The following WDPCP variants were observed in gnomAD, a reference collection of about 807,000 sequenced individuals.
WDPCP encodes WD repeat containing planar cell polarity effector.
In WDPCP, 71 loss-of-function variants were observed where a neutral mutation model predicts 93.1. That is an observed-to-expected ratio of 0.76 (90% confidence interval 0.63 to 0.93). The LOEUF is 0.93. WDPCP is among the 40% of genes least tolerant of loss of function. The probability of loss-of-function intolerance (pLI) is 0.00; values close to 1 mark genes in which losing one functional copy is unlikely to be tolerated. For synonymous variants in WDPCP, 315 were observed against 315.0 expected (o/e 1.00, Z 0.00); for missense variants, 844 against 887.4 (o/e 0.95, Z 0.62).
At chr2:63,167,941 G>A (rs770334286) in intron 15 of WDPCP, among the ~76,000 whole-genome samples, 3 of 151,710 alleles carry the variant, frequency 2.0e-5, no homozygotes, top group Non-Finnish European at 4.4e-5. Context: ...ATGGCAAAAC[G>A]CCATCTCTAC....
intron 2 of WDPCP, among the ~76,000 whole-genome samples, chr2:63,755,080 A>T (rs1669941791): frequency 6.6e-6 from 1 of 152,166 alleles, no homozygotes; most frequent in Non-Finnish European, 1.5e-5. Flanking sequence ...GAATGCCCTC[A>T]TGACGTAGTA....
At chr2:63,328,308 C>T (rs1283599655) in intron 12 of WDPCP, among the ~76,000 whole-genome samples, 1 of 151,952 alleles carries the variant, frequency 6.6e-6, no homozygotes, top group African/African-American at 2.4e-5. Context: ...CTCGGGTCCC[C>T]TTCCACACTG....
At chr2:63,747,036 C>A (rs1233721361) in intron 2 of WDPCP, among the ~76,000 whole-genome samples, 2 of 152,070 alleles carry the variant, frequency 1.3e-5, no homozygotes, top group Non-Finnish European at 2.9e-5. Context: ...TACTCTTTCC[C>A]TTTATTTCTC....
chr2:63,836,520 A>T, the WDPCP span, among the ~76,000 whole-genome samples: 2 of 152,218 alleles, frequency 1.3e-5, no homozygotes, highest in African/African-American at 4.8e-5. Flanking sequence ...GAGTTTGGTA[A>T]AAGATGGTTT....
chr2:63,553,645 A>T (rs997378223), intron 1 of WDPCP, among the ~76,000 whole-genome samples: 3 of 152,098 alleles, frequency 2.0e-5, no homozygotes, highest in Non-Finnish European at 4.4e-5. Context: ...AAAAAAAAAA[A>T]ACTTTTTTCT....
intron 9 of WDPCP, among the ~76,000 whole-genome samples, chr2:63,420,361 T>TAAAAAAAAAAAAA (rs60889615): frequency 2.5e-5 from 3 of 120,528 alleles, no homozygotes; most frequent in South Asian, 2.7e-4. Flanking sequence ...CATCTTTACT[T>TAAAAAAAAAAAAA]AAAAAAAAAA....
intron 14 of WDPCP, among the ~76,000 whole-genome samples, chr2:63,196,086 C>T (rs1233029629): frequency 1.3e-5 from 2 of 152,138 alleles, no homozygotes; most frequent in East Asian, 3.9e-4. Context: ...AAAAAGTGAT[C>T]TTTTGTGATT....
At chr2:63,272,093 A>C (rs1339402574) in intron 13 of WDPCP, among the ~76,000 whole-genome samples, 1 of 152,134 alleles carries the variant, frequency 6.6e-6, no homozygotes, top group Non-Finnish European at 1.5e-5. Flanking sequence ...GGGTCCAAGA[A>C]TTGGTGCACA....
intron 1 of WDPCP, among the ~76,000 whole-genome samples, chr2:63,575,467 G>GTATA (rs1558832897): frequency 1.0e-3 from 7 of 6,842 alleles, no homozygotes; most frequent in East Asian, 0.014. Context: ...CAGTATATAT[G>GTATA]CAGTATATAC....
intron 1 of WDPCP, among the ~76,000 whole-genome samples, chr2:63,578,334 A>G (rs968092393): frequency 6.6e-6 from 1 of 152,226 alleles, no homozygotes; most frequent in African/African-American, 2.4e-5. Flanking sequence ...AGCTTATATT[A>G]CCTACAGACA....
intron 6 of WDPCP, among the ~76,000 whole-genome samples, chr2:63,457,706 T>A (rs1052049543): frequency 6.6e-6 from 1 of 152,120 alleles, no homozygotes; most frequent in African/African-American, 2.4e-5. Flanking sequence ...ACAAAAATTA[T>A]ATGATCATCT....
At chr2:63,655,763 A>T (rs758116749) in intron 2 of WDPCP, among the ~76,000 whole-genome samples, 6 of 152,166 alleles carry the variant, frequency 3.9e-5, no homozygotes, top group Non-Finnish European at 8.8e-5. Flanking sequence ...GCTGTTCTAA[A>T]CCTTTTTTAA....
At chr2:63,752,377 C>T in intron 2 of WDPCP, 1 of 768,334 alleles carries the variant, frequency 1.3e-6, no homozygotes, top group Non-Finnish European at 2.3e-6. Context: ...AGATAGCCCT[C>T]TTTGGTTCCA....
chr2:63,493,357 G>C (rs1701014377), intron 1 of WDPCP, among the ~76,000 whole-genome samples: 1 of 152,052 alleles, frequency 6.6e-6, no homozygotes, highest in Admixed American at 6.6e-5. Context: ...GGTATATAAA[G>C]CAAATATTTA....
intron 12 of WDPCP, among the ~76,000 whole-genome samples, chr2:63,328,491 T>C (rs796861914): frequency 2.1e-4 from 32 of 152,190 alleles, no homozygotes; most frequent in African/African-American, 7.7e-4. Flanking sequence ...ACGTGCCGCC[T>C]TTAAGAGCTG....
chr2:63,246,327 C>G (rs751403308), intron 14 of WDPCP, among the ~76,000 whole-genome samples: 6 of 152,130 alleles, frequency 3.9e-5, no homozygotes, highest in Non-Finnish European at 7.3e-5. Flanking sequence ...TTTGTGCTCA[C>G]TGCAGGGAAG....
At chr2:63,458,902 C>G (rs1350899898) in intron 6 of WDPCP, among the ~76,000 whole-genome samples, 2 of 152,074 alleles carry the variant, frequency 1.3e-5, no homozygotes, top group Admixed American at 6.6e-5. Flanking sequence ...ATGGAACAGA[C>G]TAGAGACACA....
chr2:63,392,800 T>G (rs544958867), intron 10 of WDPCP, among the ~76,000 whole-genome samples: 4 of 152,328 alleles, frequency 2.6e-5, no homozygotes, highest in Non-Finnish European at 5.9e-5. Flanking sequence ...TCATCATCAC[T>G]GGTCATCAGA....
At chr2:63,768,300 A>C (rs973562645) in intron 2 of WDPCP, among the ~76,000 whole-genome samples, 1 of 148,500 alleles carries the variant, frequency 6.7e-6, no homozygotes, top group Non-Finnish European at 1.5e-5. Flanking sequence ...TTATGCCACT[A>C]TCTTTAAGTC....
Sources: allele counts gnomAD v4.1 joint callset (sites outside exome capture counted in the v4.1 genomes callset), GRCh38; gene constraint gnomAD v4.1.1; transcripts MANE v1.5; gene names NCBI Gene and HGNC (gene_info 2026-07-23, HGNC 2026-07-21).